MON1B: variants seen among roughly 807,000 people sequenced by gnomAD.
MON1B encodes the protein vacuolar fusion protein MON1 homolog B.
In MON1B, 26 loss-of-function variants were observed where a neutral mutation model predicts 45.1. The ratio of observed to expected loss-of-function variants is 0.58; its 90% confidence interval spans 0.42 to 0.80. The LOEUF is 0.80. MON1B is among the 30% of genes least tolerant of loss of function. MON1B has a pLI of 0.00. For synonymous variants in MON1B, 395 were observed against 320.2 expected (o/e 1.23, Z -2.49); for missense variants, 737 against 754.5 (o/e 0.98, Z 0.27).
At chr16:77,196,690 C>A (rs201916085) in intron 5 of MON1B, among the ~76,000 whole-genome samples, 11 of 152,120 alleles carry the variant, frequency 7.2e-5, no homozygotes, top group African/African-American at 2.7e-4. Context: ...GCAGGAGAAT[C>A]GCTTGAACCT....
Position 77,194,140 on chromosome 16 carries a change from G to T in MON1B, c.476-195G>T. ...GTGTATCTAACCTACTTGTTCCTTT[G>T]TCCATCCCATCATGTCTCTGCAAAT... On this transcript the variant is annotated intron_variant, in intron 3 of 5. Coordinates refer to ENST00000248248, the MANE Select transcript of MON1B (RefSeq NM_014940.4). This position sits in a 1 kb window ranked among gnomAD's most constrained non-coding sequence, Gnocchi z 8.1. 1.5e-6 allele frequency: 1 copy of T among 669,500 alleles called. No individual in the cohort carries two copies. The allele number at this position is 669,500 out of a possible 1,614,324, so 41.5% of individuals were successfully genotyped here. A position where few individuals can be genotyped will look rare whatever the true frequency, so the allele number is the denominator to read the frequency against.
At position 77,194,294 on chromosome 16, in the gene MON1B, G is replaced by C. The variant is rs2054641543; in HGVS notation, c.476-41G>C. On this transcript the variant is annotated intron_variant, in intron 3 of 5. Coordinates refer to ENST00000248248, the MANE Select transcript of MON1B (RefSeq NM_014940.4). This position sits in a 1 kb window ranked among gnomAD's most constrained non-coding sequence, Gnocchi z 8.1. ...CCACTGTCTCCCTCTGGTCATTCCT[G>C]ATCCAGCTGTACCCCCCCTTCTTAC... 1 of 1,546,846 alleles carries C rather than the reference G, an allele frequency of 6.5e-7. No homozygotes were observed. The highest frequency in any genetic ancestry group is 1.7e-5 in the Admixed American group (1 of 59,904).
chr16:77,195,151 C>T lies in MON1B; in HGVS notation c.1292C>T (p.Thr431Ile). Residue 431 changes from threonine to isoleucine, a missense_variant, in exon 4 of 6, where the codon ACC (threonine) becomes ATC (isoleucine). Physicochemically the swap from Thr to Ile is moderately conservative, Grantham distance 89. Coordinates refer to ENST00000248248, the MANE Select transcript of MON1B (RefSeq NM_014940.4). ...CACCACCGCCAACTGCCCCAGTTTA[C>T]CAGGTAGGCCCTGACCCTAAGGCAA... ...PDHHRQLPQF[T>I]SPELEAPYSR... The T allele has an allele frequency of 1.3e-6, 2 of 1,586,264 alleles. No homozygotes were observed. Among genetic ancestry groups the T allele is most frequent in the East Asian group, 2.2e-5 (1 of 44,456 alleles).
rs978804195 is a variant in MON1B at position 77,201,386 on chromosome 16, A to G, written c.*3078A>G. 2.0e-5 allele frequency: 3 copies of G among 152,224 alleles called. No individual in the cohort carries two copies. The highest frequency in any genetic ancestry group is 2.9e-5 in the Non-Finnish European group (2 of 68,046). The allele number at this position is 152,224 out of a possible 1,614,324, so 9.4% of individuals were successfully genotyped here. A position where few individuals can be genotyped will look rare whatever the true frequency, so the allele number is the denominator to read the frequency against. Reference sequence around the variant, plus strand: ...AAAGTTATGACTAACTTCACCAGCAAAGGAAAAATTGAAGGATGTATCAAG... The same window carrying G: ...AAAGTTATGACTAACTTCACCAGCAGAGGAAAAATTGAAGGATGTATCAAG... On this transcript the variant is annotated 3_prime_UTR_variant, in exon 6 of 6. Transcript: ENST00000248248.
At position 77,200,291 on chromosome 16, in the gene MON1B, T is replaced by TATATATATATATATATATACATACAC; in HGVS notation, c.*1984_*1985insTATATATATATATATATACATACACA. On this transcript the variant is annotated 3_prime_UTR_variant, in exon 6 of 6. Transcript: ENST00000248248. ...ATATATGTGTATATATATATATATA[T>TATATATATATATATATATACATACAC]ACACACACTAATCAGCCGGGCGCGG... 9.0e-6 allele frequency: 1 copy of TATATATATATATATATATACATACAC among 111,430 alleles called. No homozygotes were observed. Among genetic ancestry groups the TATATATATATATATATATACATACAC allele is most frequent in the African/African-American group, 3.4e-5 (1 of 29,728 alleles). 6.9% of individuals were successfully genotyped at this position (111,430 alleles called of 1,614,324 possible). A position where few individuals can be genotyped will look rare whatever the true frequency, so the allele number is the denominator to read the frequency against.
rs1248677403 is a variant in MON1B at position 77,201,776 on chromosome 16, TTTAAA to T, written c.*3470_*3474del. 6.6e-6 allele frequency: 1 copy of T among 152,146 alleles called. No individual in the cohort carries two copies. The highest frequency in any genetic ancestry group is 2.4e-5 in the African/African-American group (1 of 41,428). The allele number at this position is 152,146 out of a possible 1,614,324, so 9.4% of individuals were successfully genotyped here. A position where few individuals can be genotyped will look rare whatever the true frequency, so the allele number is the denominator to read the frequency against. On this transcript the variant is annotated 3_prime_UTR_variant, in exon 6 of 6. Coordinates refer to ENST00000248248, the MANE Select transcript of MON1B (RefSeq NM_014940.4). ...TTTAAGAGGCAGAAAAAAATTCTAA[TTTAAA>T]TGTATTAAATTATAAGTTCTAATTT...
chr16:77,193,470 GCCACCCAGCCCATCA>G lies in MON1B; in HGVS notation c.174_188del (p.Ser59_Pro63del). ...TTTCAGGATCCAAGGACAAGGACCA[GCCACCCAGCCCATCA>G]CCACCGCCCCAGTCAGAGGCCCTGT... On this transcript the variant is annotated inframe_deletion, in exon 3 of 6. Transcript: ENST00000248248. This position sits in a 1 kb window ranked among gnomAD's most constrained non-coding sequence, Gnocchi z 5.0. The G allele has an allele frequency of 4.5e-6, 7 of 1,566,416 alleles. No individual in the cohort carries two copies. The highest frequency in any genetic ancestry group is 5.2e-6 in the Non-Finnish European group (6 of 1,154,696).
Position 77,194,196 on chromosome 16 carries a change from A to G in MON1B, c.476-139A>G. The stretch of plus-strand genomic sequence containing the variant: ...GATTCCTCCAGCTTGTCCTTACCCC[A>G]GTCCAGGTGCCCACAGAGTGAGCAT... On this transcript the variant is annotated intron_variant, in intron 3 of 5. Transcript: ENST00000248248. The surrounding 1 kb of genome is among the most constrained non-coding windows in gnomAD (Gnocchi z 8.1). 2 of 794,534 alleles carry G rather than the reference A, an allele frequency of 2.5e-6. No homozygotes were observed. Among genetic ancestry groups the G allele is most frequent in the Non-Finnish European group, 2.2e-6 (1 of 458,850 alleles). 49.2% of individuals were successfully genotyped at this position (794,534 alleles called of 1,614,324 possible).
chr16:77,191,522 G>C lies in MON1B; in HGVS notation c.37G>C (p.Gly13Arg), dbSNP rs754557512. The C allele has an allele frequency of 1.2e-5, 19 of 1,607,074 alleles. No individual in the cohort carries two copies. Among genetic ancestry groups the C allele is most frequent in the Non-Finnish European group, 1.6e-5 (19 of 1,177,854 alleles). Residue 13 changes from glycine (G) to arginine (R), a missense_variant, in exon 2 of 6, where the codon GGG becomes CGG. Coordinates refer to ENST00000248248, the MANE Select transcript of MON1B (RefSeq NM_014940.4). ...VGGDTAAPAP[G>R]GAEDLEDTQF... Reference sequence around the variant, plus strand: ...AGGAGACACTGCTGCCCCGGCCCCCGGGGGCGCGGAGGACTTGGAGGACAC... The same window carrying C: ...AGGAGACACTGCTGCCCCGGCCCCCCGGGGCGCGGAGGACTTGGAGGACAC...
At position 77,193,282 on chromosome 16, in the gene MON1B, C is replaced by T. The variant is rs1365961717; in HGVS notation, c.149-169C>T. 3.3e-5 allele frequency among the ~76,000 whole-genome samples: 5 copies of T among 151,830 alleles called. No individual in the cohort carries two copies. Among genetic ancestry groups the T allele is most frequent in the African/African-American group, 7.3e-5 (3 of 41,294 alleles). On this transcript the variant is annotated intron_variant, in intron 2 of 5. Coordinates refer to ENST00000248248, the MANE Select transcript of MON1B (RefSeq NM_014940.4). This position sits in a 1 kb window ranked among gnomAD's most constrained non-coding sequence, Gnocchi z 5.0. ...ACCTAAATGTTAGTGGAGATCATTG[C>T]GGGGTCCTAGGGCAGTCATCGGGTC...
rs1399229173 is a variant in MON1B at position 77,202,236 on chromosome 16, CT to C, written c.*3929del. On this transcript the variant is annotated 3_prime_UTR_variant, in exon 6 of 6. Transcript: ENST00000248248. ...TCCCTTTGTATATAGGAAATAGACA[CT>C]GGAATAGTAAGGAGTAGTGGGTCAA... The C allele has an allele frequency of 2.6e-5, 4 of 152,114 alleles. No homozygotes were observed. The East Asian group carries it at 7.7e-4, about 29-fold the overall frequency. 9.4% of individuals were successfully genotyped at this position (152,114 alleles called of 1,614,324 possible).
At position 77,199,422 on chromosome 16, in the gene MON1B, G is replaced by C. The variant is rs754198233; in HGVS notation, c.*1114G>C. 1 of 1,550,648 alleles carries C rather than the reference G, an allele frequency of 6.4e-7. No homozygotes were observed. Among genetic ancestry groups the C allele is most frequent in the Admixed American group, 2.0e-5 (1 of 50,924 alleles). ...TTTCTTTTTTAACCAGTCATCAAGC[G>C]AGGCTCGCGCGCAGGCCCCGCGTTG... On this transcript the variant is annotated 3_prime_UTR_variant, in exon 6 of 6. Transcript: ENST00000248248.
chr16:77,201,432 A>G lies in MON1B; in HGVS notation c.*3124A>G, dbSNP rs929657763. ...TCAAGTTGCCATTTCTAGCCCATCA[A>G]ATCGGCTTTATAAAGGGAAGCATAG... On this transcript the variant is annotated 3_prime_UTR_variant, in exon 6 of 6. Transcript: ENST00000248248. The G allele has an allele frequency of 2.6e-5, 4 of 152,242 alleles. No homozygotes were observed. The highest frequency in any genetic ancestry group is 7.2e-5 in the African/African-American group (3 of 41,464). The allele number at this position is 152,242 out of a possible 1,614,324, so 9.4% of individuals were successfully genotyped here.
Position 77,194,145 on chromosome 16 carries a change from T to C in MON1B, c.476-190T>C. ...TCTAACCTACTTGTTCCTTTGTCCA[T>C]CCCATCATGTCTCTGCAAATGTCCA... On this transcript the variant is annotated intron_variant, in intron 3 of 5. Coordinates refer to ENST00000248248, the MANE Select transcript of MON1B (RefSeq NM_014940.4). The surrounding 1 kb of genome is among the most constrained non-coding windows in gnomAD (Gnocchi z 8.1). 1.5e-6 allele frequency: 1 copy of C among 676,854 alleles called. No homozygotes were observed. 41.9% of individuals were successfully genotyped at this position (676,854 alleles called of 1,614,324 possible).
rs745968801 is a variant in MON1B at position 77,195,573 on chromosome 16, G to A, written c.1334G>A (p.Arg445Gln). 16 of 1,613,388 alleles carry A rather than the reference G, an allele frequency of 9.9e-6. No homozygotes were observed. The highest frequency in any genetic ancestry group is 2.7e-5 in the African/African-American group (2 of 74,870). Residue 445 changes from arginine to glutamine, a missense_variant, in exon 5 of 6, where the codon CGG becomes CAG. Physicochemically the swap from Arg to Gln is conservative, Grantham distance 43 (BLOSUM62 1). Transcript: ENST00000248248. ...LEAPYSREEERQRLSDLYHRL... is the reference protein window; with the variant it reads ...LEAPYSREEEQQRLSDLYHRL... ...GCCCCCTACAGCAGAGAGGAGGAGC[G>A]GCAGCGGCTGTCGGACCTGTACCAC... is the stretch of plus-strand genomic sequence containing the variant.
chr16:77,195,551 C>T lies in MON1B; in HGVS notation c.1312C>T (p.Pro438Ser), dbSNP rs2054656764. The T allele has an allele frequency of 6.2e-7, 1 of 1,613,788 alleles. No individual in the cohort carries two copies. The highest frequency in any genetic ancestry group is 8.5e-7 in the Non-Finnish European group (1 of 1,179,826). ...PQFTSPELEA[P>S]YSREEERQRL... ...TCATGGCAGCCCTGAGCTAGAGGCC[C>T]CCTACAGCAGAGAGGAGGAGCGGCA... Residue 438 changes from proline (P) to serine (S), a missense_variant, in exon 5 of 6, where the codon CCC (proline) becomes TCC (serine). By Grantham distance (74) the Pro-to-Ser change is moderately conservative (BLOSUM62 -1). Coordinates refer to ENST00000248248, the MANE Select transcript of MON1B (RefSeq NM_014940.4).
Position 77,193,786 on chromosome 16 carries a change from A to G in MON1B, c.475+9A>G. 4.4e-6 allele frequency: 7 copies of G among 1,601,708 alleles called. No homozygotes were observed. Among genetic ancestry groups the G allele is most frequent in the Non-Finnish European group, 6.0e-6 (7 of 1,171,806 alleles). On this transcript the variant is annotated intron_variant, in intron 3 of 5. Coordinates refer to ENST00000248248, the MANE Select transcript of MON1B (RefSeq NM_014940.4). This position sits in a 1 kb window ranked among gnomAD's most constrained non-coding sequence, Gnocchi z 5.0. ...CCGTGCCATCTACGCTGGTGAGCAA[A>G]CAGGTGGGAGGCAGAATGGGGGACA... is the stretch of plus-strand genomic sequence containing the variant.
rs2054694707 is a variant in MON1B at position 77,198,736 on chromosome 16, G to C, written c.*428G>C. On this transcript the variant is annotated 3_prime_UTR_variant, in exon 6 of 6. Coordinates refer to ENST00000248248, the MANE Select transcript of MON1B (RefSeq NM_014940.4). ...GGCACTTCAGGGCCAGGCTATGCTT[G>C]GGACTGGCCTGAGGGTATTTTAAAG... The C allele has an allele frequency of 4.7e-6, 1 of 214,892 alleles. No individual in the cohort carries two copies. Among genetic ancestry groups the C allele is most frequent in the East Asian group, 1.1e-4 (1 of 9,156 alleles). The allele number at this position is 214,892 out of a possible 1,614,324, so 13.3% of individuals were successfully genotyped here. A position where few individuals can be genotyped will look rare whatever the true frequency, so the allele number is the denominator to read the frequency against.
In MON1B at chr16:77,198,519, C is replaced by G. The variant is rs898716921; in HGVS notation, c.*211C>G. 6.7e-6 allele frequency: 4 copies of G among 598,822 alleles called. No homozygotes were observed. The highest frequency in any genetic ancestry group is 5.6e-5 in the African/African-American group (3 of 53,754). 37.1% of individuals were successfully genotyped at this position (598,822 alleles called of 1,614,324 possible). On this transcript the variant is annotated 3_prime_UTR_variant, in exon 6 of 6. Coordinates refer to ENST00000248248, the MANE Select transcript of MON1B (RefSeq NM_014940.4). ...TCCCTGCCCAGTCATGCACCTCCCCCTCTGGGGAAATCCTTAGGCCTCCCT... is the reference window on the plus strand; with the variant it reads ...TCCCTGCCCAGTCATGCACCTCCCCGTCTGGGGAAATCCTTAGGCCTCCCT...
Sources: gnomAD v4.1 joint callset for allele counts (sites outside exome capture counted in the v4.1 genomes callset) on GRCh38, gnomAD v4.1.1 for gene constraint, Gnocchi (gnomAD v3.1) non-coding constraint, MANE v1.5 for transcripts, NCBI Gene and HGNC (gene_info 2026-07-23, HGNC 2026-07-21) for gene names.